SEMA5A: variants seen among roughly 807,000 people sequenced by gnomAD.
SEMA5A encodes the protein semaphorin-5A.
Under a neutral mutation model 135.5 loss-of-function variants are expected in SEMA5A, and 55 were observed. The observed-to-expected ratio is 0.41, with a 90% CI of 0.33 to 0.51. The LOEUF (loss-of-function observed/expected upper bound fraction) is 0.51, where lower values mean the gene tolerates loss of function less well. Ranked by LOEUF, SEMA5A falls within the 20% of genes least tolerant of loss-of-function variation. The pLI is 0.37. For missense variants in SEMA5A, 1,290 were observed against 1,419.9 expected (o/e 0.91, Z 1.47); for synonymous variants, 580 against 546.5 (o/e 1.06, Z -0.85).
intron 12 of SEMA5A, among the ~76,000 whole-genome samples, chr5:9,142,332 C>T (rs1489629484): frequency 6.6e-6 from 1 of 152,106 alleles, no homozygotes; most frequent in Non-Finnish European, 1.5e-5. Flanking sequence ...GGGAAAAGCA[C>T]TCAGTGGGGA....
Position 9,471,060 on chromosome 5 carries a change from C to T in SEMA5A, c.-174-33208G>A, listed in dbSNP as rs759003277. Among the ~76,000 whole-genome samples, 13 of 152,246 alleles carry T rather than the reference C, an allele frequency of 8.5e-5. No individual in the cohort carries two copies. In the South Asian group the frequency reaches 1.2e-3, roughly 15 times the overall value. On this transcript the variant is annotated intron_variant, in intron 1 of 22. Transcript: ENST00000382496. ...AAGAAAAACAATGTAATGTTGAAGACGAAACCCTCATTCAGGACCCTCTGA... is the reference window on the plus strand; with the variant it reads ...AAGAAAAACAATGTAATGTTGAAGATGAAACCCTCATTCAGGACCCTCTGA...
At chr5:9,207,039 C>A (rs1579613842) in intron 8 of SEMA5A, among the ~76,000 whole-genome samples, 2 of 141,116 alleles carry the variant, frequency 1.4e-5, no homozygotes, top group African/African-American at 5.2e-5. Flanking sequence ...TATTTACTCT[C>A]AATGTCCCTT....
intron 11 of SEMA5A, among the ~76,000 whole-genome samples, chr5:9,169,593 C>T (rs766645531): frequency 3.9e-5 from 6 of 152,156 alleles, no homozygotes; most frequent in African/African-American, 7.2e-5. Context: ...ACCTGACATT[C>T]TTCTATCATT....
chr5:9,118,616 AC>A (rs1560933493), intron 15 of SEMA5A, among the ~76,000 whole-genome samples: 2 of 152,050 alleles, frequency 1.3e-5, no homozygotes, highest in Non-Finnish European at 2.9e-5. Context: ...TGCATCCGGG[AC>A]CTTCTTAGGT....
intron 5 of SEMA5A, among the ~76,000 whole-genome samples, chr5:9,246,267 T>C (rs979176828): frequency 6.6e-6 from 1 of 152,146 alleles, no homozygotes; most frequent in African/African-American, 2.4e-5. Context: ...TTTTTATACA[T>C]GAATTTCCTA....
intron 15 of SEMA5A, among the ~76,000 whole-genome samples, chr5:9,111,080 T>C (rs957776734): frequency 2.0e-5 from 3 of 152,226 alleles, no homozygotes; most frequent in East Asian, 1.9e-4. Flanking sequence ...TTGACACTTG[T>C]TTTGAGAACA....
At chr5:9,310,995 A>G (rs544184528) in intron 5 of SEMA5A, among the ~76,000 whole-genome samples, 86 of 152,088 alleles carry the variant, frequency 5.7e-4, no homozygotes, top group African/African-American at 2.0e-3. Flanking sequence ...AAGCACATCA[A>G]AGATCTTATA....
intron 11 of SEMA5A, among the ~76,000 whole-genome samples, chr5:9,162,636 C>T (rs959807160): frequency 1.7e-4 from 25 of 145,544 alleles, no homozygotes; most frequent in African/African-American, 4.4e-4. Context: ...GAAATGCAGT[C>T]GATTTCCTTA....
intron 5 of SEMA5A, among the ~76,000 whole-genome samples, chr5:9,296,394 T>G (rs1751335865): frequency 1.3e-5 from 2 of 152,314 alleles, no homozygotes; most frequent in South Asian, 4.1e-4. Flanking sequence ...AGCAGCTAAA[T>G]GTAATATATT....
intron 2 of SEMA5A, among the ~76,000 whole-genome samples, chr5:9,410,217 G>A (rs1426605570): frequency 1.3e-5 from 2 of 151,946 alleles, no homozygotes; most frequent in Non-Finnish European, 2.9e-5. Context: ...TGATCATGTA[G>A]GTCTATTAAG....
chr5:9,324,137 T>C (rs932099696), intron 4 of SEMA5A, among the ~76,000 whole-genome samples: 2 of 152,090 alleles, frequency 1.3e-5, no homozygotes, highest in South Asian at 2.1e-4. Flanking sequence ...GGTGCTATCT[T>C]GGCTCACTGC....
chr5:9,391,000 AG>A (rs1286449963), intron 2 of SEMA5A: 2 of 152,194 alleles, frequency 1.3e-5, no homozygotes, highest in African/African-American at 4.8e-5. Flanking sequence ...TTAACAGGTA[AG>A]TCCCTGGCCC....
At chr5:9,307,063 G>A (rs549330395) in intron 5 of SEMA5A, among the ~76,000 whole-genome samples, 2 of 152,252 alleles carry the variant, frequency 1.3e-5, no homozygotes, top group Middle Eastern at 3.4e-3. Flanking sequence ...TTGCCTCTGC[G>A]ATCTAAGATG....
At chr5:9,189,125 T>A (rs1292409250) in intron 11 of SEMA5A, among the ~76,000 whole-genome samples, 1 of 152,258 alleles carries the variant, frequency 6.6e-6, no homozygotes, top group Non-Finnish European at 1.5e-5. Flanking sequence ...GCCTTCTCAG[T>A]CCCTGCTTAG....
intron 5 of SEMA5A, among the ~76,000 whole-genome samples, chr5:9,243,108 G>A (rs1013304810): frequency 4.6e-5 from 7 of 152,192 alleles, no homozygotes; most frequent in African/African-American, 1.7e-4. Flanking sequence ...CCCTAGAGCT[G>A]TTGTGAGAAA....
At chr5:9,185,709 T>G (rs959300137) in intron 11 of SEMA5A, among the ~76,000 whole-genome samples, 1 of 152,352 alleles carries the variant, frequency 6.6e-6, no homozygotes, top group Non-Finnish European at 1.5e-5. Context: ...TTTAAGATTA[T>G]ATACAATTTA....
At chr5:9,099,960 C>T (rs1159538856) in intron 16 of SEMA5A, among the ~76,000 whole-genome samples, 1 of 152,210 alleles carries the variant, frequency 6.6e-6, no homozygotes, top group Non-Finnish European at 1.5e-5. Context: ...GTATCTCTCT[C>T]TATGGAGAAG....
chr5:9,492,942 A>C (rs1441303864), intron 1 of SEMA5A, among the ~76,000 whole-genome samples: 2 of 152,140 alleles, frequency 1.3e-5, no homozygotes, highest in Non-Finnish European at 2.9e-5. Context: ...TGGTGGATGC[A>C]TGTCATTACA....
intron 5 of SEMA5A, among the ~76,000 whole-genome samples, chr5:9,282,507 A>G (rs887449906): frequency 1.3e-5 from 2 of 152,204 alleles, no homozygotes; most frequent in African/African-American, 4.8e-5. Flanking sequence ...CATGTACAAA[A>G]TGACACACTC....
Sources: allele counts gnomAD v4.1 joint callset (sites outside exome capture counted in the v4.1 genomes callset), GRCh38; gene constraint gnomAD v4.1.1; transcripts MANE v1.5; gene names NCBI Gene and HGNC (gene_info 2026-07-23, HGNC 2026-07-21).